The following RAP1GAP2 variants were observed in gnomAD, a reference collection of about 807,000 sequenced individuals.
The protein encoded by RAP1GAP2 is RAP1 GTPase activating protein 2.
RAP1GAP2 carries 27 observed loss-of-function variants against 95.0 expected under a neutral mutation model. The ratio of observed to expected loss-of-function variants is 0.28; its 90% CI spans 0.21 to 0.39. The LOEUF (loss-of-function observed/expected upper bound fraction) is 0.39, where lower values mean the gene tolerates loss of function less well. RAP1GAP2 is among the 10% of genes least tolerant of loss of function. RAP1GAP2 has a pLI of 1.00. For missense variants in RAP1GAP2, 771 were observed against 970.0 expected (o/e 0.79, Z 2.72); for synonymous variants, 373 against 380.9 (o/e 0.98, Z 0.24).
chr17:2,890,379 A>ATTATGTCACCAAGTAATC (rs1453736949), intron 2 of RAP1GAP2, among the ~76,000 whole-genome samples: 1 of 152,192 alleles, frequency 6.6e-6, no homozygotes, highest in African/African-American at 2.4e-5. Context: ...CTCCTAATCC[A>ATTATGTCACCAAGTAATC]TTATGTCACC....
intron 2 of RAP1GAP2, among the ~76,000 whole-genome samples, chr17:2,801,334 G>A (rs1247422867): frequency 6.6e-6 from 1 of 151,360 alleles, no homozygotes; most frequent in African/African-American, 2.4e-5. Context: ...AATTAGCTGA[G>A]CGTGATGGCA....
At chr17:2,914,045 G>A (rs1182268264) in intron 3 of RAP1GAP2, among the ~76,000 whole-genome samples, 3 of 151,942 alleles carry the variant, frequency 2.0e-5, no homozygotes, top group Non-Finnish European at 4.4e-5. Flanking sequence ...TAAGTTTTTT[G>A]TATTTTTAAT....
chr17:2,765,742 CAAA>C (rs60006033), intron 1 of RAP1GAP2, among the ~76,000 whole-genome samples: 1 of 129,858 alleles, frequency 7.7e-6, no homozygotes, highest in South Asian at 2.5e-4. Context: ...GACTCTGTCT[CAAA>C]AAAAAAAAAG....
At chr17:2,809,285 C>T (rs2069656114) in intron 2 of RAP1GAP2, among the ~76,000 whole-genome samples, 2 of 152,204 alleles carry the variant, frequency 1.3e-5, no homozygotes, top group African/African-American at 2.4e-5. Flanking sequence ...GGAATTGGGG[C>T]TCTTCTGAGA....
intron 3 of RAP1GAP2, among the ~76,000 whole-genome samples, chr17:2,949,837 C>A (rs965151178): frequency 1.3e-5 from 2 of 152,204 alleles, no homozygotes; most frequent in African/African-American, 4.8e-5. Context: ...CCAACTGTCC[C>A]ATTGGAAAGT....
At chr17:2,835,634 A>C (rs1419497259) in intron 2 of RAP1GAP2, among the ~76,000 whole-genome samples, 1 of 152,160 alleles carries the variant, frequency 6.6e-6, no homozygotes, top group Non-Finnish European at 1.5e-5. Flanking sequence ...CTGAGGTGGG[A>C]GGATCATTGG....
At chr17:2,999,287 C>T (rs968535599) in intron 14 of RAP1GAP2, among the ~76,000 whole-genome samples, 3 of 152,300 alleles carry the variant, frequency 2.0e-5, no homozygotes, top group South Asian at 2.1e-4. Context: ...AGTGCTGTGG[C>T]GGGCATGGGA....
intron 2 of RAP1GAP2, among the ~76,000 whole-genome samples, chr17:2,900,943 A>G (rs1187703973): frequency 2.6e-5 from 4 of 152,190 alleles, no homozygotes; most frequent in African/African-American, 9.7e-5. Flanking sequence ...AGTGACCTCA[A>G]GATGGTCTGA....
At chr17:2,862,203 T>G (rs1426802971) in intron 2 of RAP1GAP2, among the ~76,000 whole-genome samples, 1 of 152,214 alleles carries the variant, frequency 6.6e-6, no homozygotes, top group Non-Finnish European at 1.5e-5. Context: ...TTCTTGACAC[T>G]GCGTTCCTAA....
rs2073299063 is a variant in RAP1GAP2, at chr17:2,881,703, CTT to C, written c.81-23578_81-23577del. Among the ~76,000 whole-genome samples, 3 of 152,276 alleles carry C rather than the reference CTT, an allele frequency of 2.0e-5. No individual in the cohort carries two copies. The South Asian group carries it at 6.2e-4, about 32-fold the overall frequency. On this transcript the variant is annotated intron_variant, in intron 2 of 24. Transcript: ENST00000254695. ...TGTAACTTTTTGAGGAGCGTCCACA[CTT>C]TTCAACAATGGGCTACAGTTTCTCT...
In RAP1GAP2 at chr17:2,825,228, C is replaced by A. The variant is rs2070497507; in HGVS notation, c.80+24678C>A. ...GTATTATGGGTGTGAGCCACCACACCTAGTCCCATCTTCCCTTTCAAACAC... is the reference window on the plus strand; with the variant it reads ...GTATTATGGGTGTGAGCCACCACACATAGTCCCATCTTCCCTTTCAAACAC... On this transcript the variant is annotated intron_variant, in intron 2 of 24. Transcript: ENST00000254695. This position sits in a 1 kb window ranked among gnomAD's most constrained non-coding sequence, Gnocchi z 4.1. Among the ~76,000 whole-genome samples, 1 of 152,154 alleles carries A rather than the reference C, an allele frequency of 6.6e-6. No individual in the cohort carries two copies. Among genetic ancestry groups the A allele is most frequent in the African/African-American group, 2.4e-5 (1 of 41,448 alleles).
rs1254678873 is a variant in RAP1GAP2 at position 2,991,423 on chromosome 17, C to T, written c.914+26C>T. The T allele has an allele frequency of 5.2e-6, 8 of 1,532,780 alleles. No homozygotes were observed. In the South Asian group the frequency reaches 9.4e-5, roughly 18 times the overall value. 94.9% of individuals were successfully genotyped at this position (1,532,780 alleles called of 1,614,324 possible). ...GTGGGTTTTAGCCAAGTGACGGCTC[C>T]AGCTCCATCAACAAGGGCACTAGAG... On this transcript the variant is annotated intron_variant, in intron 12 of 24. Transcript: ENST00000254695.
chr17:2,891,583 C>A (rs1163652653), intron 2 of RAP1GAP2, among the ~76,000 whole-genome samples: 1 of 151,312 alleles, frequency 6.6e-6, no homozygotes, highest in Non-Finnish European at 1.5e-5. Context: ...CTTCCAGAGC[C>A]CCCCCATCCT....
intron 2 of RAP1GAP2, among the ~76,000 whole-genome samples, chr17:2,886,171 ATTTT>A (rs564574824): frequency 2.8e-4 from 34 of 123,344 alleles, no homozygotes; most frequent in East Asian, 2.1e-3. Context: ...GTATATATAT[ATTTT>A]TTTTTTTTTT....
intron 2 of RAP1GAP2, among the ~76,000 whole-genome samples, chr17:2,771,824 ATGCCAGAGGACTTGAAGAAGAGTC>A (rs1372594687): frequency 6.6e-6 from 1 of 152,144 alleles, no homozygotes; most frequent in Non-Finnish European, 1.5e-5. Context: ...GGAAGGTTAC[ATGCCAGAGGACTTGAAGAAGAGTC>A]TGCCATATAG....
At chr17:2,878,358 G>A (rs2073164339) in intron 2 of RAP1GAP2, among the ~76,000 whole-genome samples, 1 of 152,176 alleles carries the variant, frequency 6.6e-6, no homozygotes, top group African/African-American at 2.4e-5. Flanking sequence ...CTCAGCCCAG[G>A]CTGGCGGTGG....
At chr17:2,853,992 C>A (rs1196813183) in intron 2 of RAP1GAP2, 2 of 984,218 alleles carry the variant, frequency 2.0e-6, no homozygotes, top group Non-Finnish European at 2.4e-6. Context: ...CGGGCGGCCT[C>A]GCCATGTCCC....
intron 3 of RAP1GAP2, among the ~76,000 whole-genome samples, chr17:2,938,529 T>G (rs1229770099): frequency 6.6e-6 from 1 of 152,142 alleles, no homozygotes; most frequent in Non-Finnish European, 1.5e-5. Flanking sequence ...CAGCACCAAG[T>G]GCCTCTGGGC....
At chr17:2,890,114 C>T in intron 2 of RAP1GAP2, among the ~76,000 whole-genome samples, 1 of 151,738 alleles carries the variant, frequency 6.6e-6, no homozygotes, top group East Asian at 1.9e-4. Flanking sequence ...TGCTTGGTTG[C>T]ATGGCCATGG....
Sources: gnomAD v4.1 joint callset for allele counts (sites outside exome capture counted in the v4.1 genomes callset) on GRCh38, gnomAD v4.1.1 for gene constraint, Gnocchi (gnomAD v3.1) non-coding constraint, MANE v1.5 for transcripts, NCBI Gene and HGNC (gene_info 2026-07-23, HGNC 2026-07-21) for gene names.